The following ASIC2 variants were observed in gnomAD, a reference collection of about 807,000 sequenced individuals.
ASIC2 encodes acid sensing ion channel subunit 2.
Under a neutral mutation model 57.3 loss-of-function variants are expected in ASIC2, and 25 were observed. That is an observed-to-expected ratio of 0.44 (90% confidence interval 0.32 to 0.61). ASIC2 has a LOEUF of 0.61. Ranked by LOEUF, ASIC2 falls within the 20% of genes least tolerant of loss-of-function variation. The pLI, the probability that ASIC2 is intolerant of heterozygous loss-of-function variation, is 0.06. For missense variants in ASIC2, 641 were observed against 738.1 expected (o/e 0.87, Z 1.52); for synonymous variants, 319 against 307.5 (o/e 1.04, Z -0.39).
At chr17:33,927,727 A>G (rs986952353) in intron 1 of ASIC2, among the ~76,000 whole-genome samples, 1 of 152,258 alleles carries the variant, frequency 6.6e-6, no homozygotes, top group South Asian at 2.1e-4. Context: ...TCACTTGCCC[A>G]GTGTCATTCA....
intron 3 of ASIC2, among the ~76,000 whole-genome samples, chr17:33,038,506 T>C: frequency 6.6e-6 from 1 of 152,060 alleles, no homozygotes; most frequent in East Asian, 1.9e-4. Context: ...ACATGTAGGG[T>C]GGATGAGCTA....
chr17:33,217,278 G>A (rs1471102559), intron 1 of ASIC2, among the ~76,000 whole-genome samples: 1 of 152,188 alleles, frequency 6.6e-6, no homozygotes, highest in Admixed American at 6.5e-5. Flanking sequence ...AAAGTTCAGT[G>A]GTTTCTGGGA....
At chr17:33,812,859 C>T (rs76435914) in intron 1 of ASIC2, among the ~76,000 whole-genome samples, 7,614 of 152,288 alleles carry the variant, frequency 0.05, 228 homozygotes, top group Middle Eastern at 0.092. Flanking sequence ...CAGACTGAAC[C>T]TCTCACTGGG....
At chr17:33,922,646 TATC>T (rs773909366) in intron 1 of ASIC2, among the ~76,000 whole-genome samples, 5 of 152,220 alleles carry the variant, frequency 3.3e-5, no homozygotes, top group Non-Finnish European at 7.3e-5. Flanking sequence ...ACACATATAA[TATC>T]ATTATATTTA....
At chr17:33,758,931 A>T (rs1253273293) in intron 1 of ASIC2, among the ~76,000 whole-genome samples, 1 of 143,084 alleles carries the variant, frequency 7.0e-6, no homozygotes, top group Non-Finnish European at 1.6e-5. Context: ...AAAAAAAAAA[A>T]AAATGGTATT....
chr17:33,365,661 A>T (rs569935126), intron 1 of ASIC2, among the ~76,000 whole-genome samples: 2 of 152,006 alleles, frequency 1.3e-5, no homozygotes, highest in African/African-American at 4.8e-5. Context: ...ATTCCTGGGG[A>T]TGTCACTTCT....
At chr17:33,580,315 G>T (rs1338326274) in intron 1 of ASIC2, 1 of 152,202 alleles carries the variant, frequency 6.6e-6, no homozygotes, top group Non-Finnish European at 1.5e-5. Context: ...TGCAACTCTG[G>T]GTATAGAGTT....
chr17:33,165,165 G>A (rs900969308), intron 1 of ASIC2, among the ~76,000 whole-genome samples: 2 of 152,208 alleles, frequency 1.3e-5, no homozygotes, highest in African/African-American at 4.8e-5. Flanking sequence ...GGCACCCCCT[G>A]TGCCAGGAGG....
chr17:33,182,195 G>A (rs1314920271), intron 1 of ASIC2, among the ~76,000 whole-genome samples: 1 of 152,080 alleles, frequency 6.6e-6, no homozygotes, highest in African/African-American at 2.4e-5. Context: ...GAGGAGAAGT[G>A]GTCAGTGAAC....
intron 1 of ASIC2, among the ~76,000 whole-genome samples, chr17:34,120,409 C>A (rs890576074): frequency 1.3e-5 from 2 of 151,842 alleles, no homozygotes; most frequent in Admixed American, 1.3e-4. Context: ...TCTGTGCACA[C>A]GCATATGGCT....
intron 1 of ASIC2, among the ~76,000 whole-genome samples, chr17:33,151,572 C>A (rs892563361): frequency 1.3e-5 from 2 of 152,072 alleles, no homozygotes; most frequent in Non-Finnish European, 1.5e-5. Context: ...AGAGGTGGGA[C>A]TTTTAAGGGG....
At chr17:33,226,581 A>T (rs1367789000) in intron 1 of ASIC2, among the ~76,000 whole-genome samples, 1 of 152,158 alleles carries the variant, frequency 6.6e-6, no homozygotes, top group African/African-American at 2.4e-5. Context: ...CATTTTTTTC[A>T]TAAACCTTGG....
rs138198237 is a variant in ASIC2 at position 33,780,332 on chromosome 17, G to A, written c.555+375646C>T. Among the ~76,000 whole-genome samples, 441 of 152,146 alleles carry A rather than the reference G, an allele frequency of 2.9e-3. 2 individuals carry two copies. The highest frequency in any genetic ancestry group is 0.01 in the African/African-American group (432 of 41,486). On this transcript the variant is annotated intron_variant, in intron 1 of 9. Transcript: ENST00000359872. ...TCCCCTGGGTGGCAGACCACAAGTG[G>A]GCTGAGGATATATACTCCATACTTC...
At chr17:33,533,275 G>A (rs990901606) in intron 1 of ASIC2, among the ~76,000 whole-genome samples, 3 of 152,042 alleles carry the variant, frequency 2.0e-5, no homozygotes, top group Admixed American at 1.3e-4. Context: ...GAACTCAGGA[G>A]GCAGAGGTGG....
intron 1 of ASIC2, among the ~76,000 whole-genome samples, chr17:34,008,589 G>A (rs1168306692): frequency 6.6e-6 from 1 of 152,200 alleles, no homozygotes; most frequent in Non-Finnish European, 1.5e-5. Flanking sequence ...GAAAGAGAGA[G>A]GGAGAGAGAG....
chr17:33,779,270 G>T (rs1170062405), intron 1 of ASIC2, among the ~76,000 whole-genome samples: 1 of 152,076 alleles, frequency 6.6e-6, no homozygotes, highest in Admixed American at 6.5e-5. Context: ...AACTCTGCCT[G>T]GGGTGCAGTT....
At chr17:33,297,754 C>T (rs1023419936), upstream of ASIC2, among the ~76,000 whole-genome samples, 2 of 151,370 alleles carry the variant, frequency 1.3e-5, no homozygotes, top group African/African-American at 2.4e-5. Context: ...CCTGCAAGGT[C>T]GAGACTGCAG....
chr17:33,661,853 G>A (rs1187138403), intron 1 of ASIC2, among the ~76,000 whole-genome samples: 3 of 152,088 alleles, frequency 2.0e-5, no homozygotes, highest in Non-Finnish European at 4.4e-5. Context: ...ACTGACTGGC[G>A]GCAGAAATAA....
intron 1 of ASIC2, among the ~76,000 whole-genome samples, chr17:33,137,223 A>C (rs2092370327): frequency 6.6e-6 from 1 of 152,246 alleles, no homozygotes; most frequent in Admixed American, 6.5e-5. Context: ...GAAGAAAACA[A>C]GATGCTGTGG....
Sources: gnomAD v4.1 joint callset for allele counts (sites outside exome capture counted in the v4.1 genomes callset) on GRCh38, gnomAD v4.1.1 for gene constraint, MANE v1.5 for transcripts, NCBI Gene and HGNC (gene_info 2026-07-23, HGNC 2026-07-21) for gene names.